USP3: variants seen among roughly 807,000 people sequenced by gnomAD.
USP3 encodes the protein ubiquitin specific peptidase 3, also known as ubiquitin carboxyl-terminal hydrolase 3.
In USP3, 20 loss-of-function variants were observed where a neutral mutation model predicts 72.3. That is an observed-to-expected ratio of 0.28 (90% confidence interval 0.19 to 0.40). The LOEUF (loss-of-function observed/expected upper bound fraction) is 0.40. USP3 is among the 10% of genes least tolerant of loss of function. USP3 has a pLI of 1.00. For synonymous variants in USP3, 222 were observed against 225.3 expected, an observed-to-expected ratio of 0.99 and a Z score of 0.13; for missense variants, 479 against 633.9, an observed-to-expected ratio of 0.76 and a Z score of 2.62.
At chr15:63,559,757 GA>G (rs1436346856) in intron 6 of USP3, 99 bp from the exon 7 acceptor site, 3 of 968,432 alleles carry the variant, frequency 3.1e-6, no homozygotes, top group Non-Finnish European at 4.5e-6. Flanking sequence ...TGAGACAATT[GA>G]AAAATGGCAG....
At chr15:63,581,574 G>T (rs6494416) in intron 11 of USP3, among the ~76,000 whole-genome samples, 125,835 of 130,340 alleles carry the variant, frequency 0.97, 60,676 homozygotes, top group East Asian at 0.99. Flanking sequence ...TTTTTTTTTG[G>T]ATTTTTGGTA....
At chr15:63,578,904 C>T (rs1005998948) in intron 11 of USP3, among the ~76,000 whole-genome samples, 4 of 152,032 alleles carry the variant, frequency 2.6e-5, no homozygotes, top group African/African-American at 7.2e-5. Context: ...TGGAAAATTA[C>T]GAGAAATATT....
Position 63,529,290 on chromosome 15 carries a change from C to T in USP3, c.92-3357C>T, listed in dbSNP as rs2066032775. 1 of 369,740 alleles carries T rather than the reference C, an allele frequency of 2.7e-6. No homozygotes were observed. 22.9% of individuals were successfully genotyped at this position (369,740 alleles called of 1,614,324 possible). A position where few individuals can be genotyped will look rare whatever the true frequency, so the allele number is the denominator to read the frequency against. On this transcript the variant is annotated intron_variant, in intron 1 of 14. Coordinates refer to ENST00000380324, the MANE Select transcript of USP3 (RefSeq NM_006537.4). The surrounding 1 kb of genome is among the most constrained non-coding windows in gnomAD (Gnocchi z 4.2). Reference sequence around the variant, plus strand: ...ATTCCCTTTTACTTTCTCTCCTTATCATTACGTATCTGTCTGTCTAATTGA... The same window carrying T: ...ATTCCCTTTTACTTTCTCTCCTTATTATTACGTATCTGTCTGTCTAATTGA...
chr15:63,568,079 G>A (rs118061906), intron 8 of USP3, among the ~76,000 whole-genome samples: 1 of 152,280 alleles, frequency 6.6e-6, no homozygotes, highest in East Asian at 1.9e-4. Flanking sequence ...AGTTGGCTGG[G>A]TATGGTGGCT....
At chr15:63,521,142 A>C (rs114321782) in intron 1 of USP3, among the ~76,000 whole-genome samples, 28,359 of 112,442 alleles carry the variant, frequency 0.25, 3,341 homozygotes, top group Non-Finnish European at 0.34. Context: ...ATTCTTTTGG[A>C]CTTTTTTTTT....
intron 4 of USP3, among the ~76,000 whole-genome samples, chr15:63,555,226 A>T (rs915741502): frequency 6.6e-6 from 1 of 152,066 alleles, no homozygotes; most frequent in African/African-American, 2.4e-5. Context: ...ATGTTGAAAA[A>T]CATTACCTAG....
At chr15:63,578,344 C>T (rs1352627336) in intron 11 of USP3, among the ~76,000 whole-genome samples, 1 of 150,380 alleles carries the variant, frequency 6.6e-6, no homozygotes, top group African/African-American at 2.5e-5. Context: ...GTGGCTGAAG[C>T]CTGTAATCCC....
intron 1 of USP3, among the ~76,000 whole-genome samples, chr15:63,515,909 C>G: frequency 6.6e-6 from 1 of 152,188 alleles, no homozygotes; most frequent in East Asian, 1.9e-4. Flanking sequence ...CATTCTCTCT[C>G]ATATTTACCT....
chr15:63,521,379 G>T (rs1004832760), intron 1 of USP3, among the ~76,000 whole-genome samples: 7 of 151,786 alleles, frequency 4.6e-5, no homozygotes, highest in African/African-American at 1.7e-4. Flanking sequence ...GTATCTTCAG[G>T]GAAGAACACA....
chr15:63,562,280 T>C lies in USP3; in HGVS notation c.648-615T>C, dbSNP rs1028403016. Among the ~76,000 whole-genome samples the C allele has an allele frequency of 3.3e-5, 5 of 152,094 alleles. No individual in the cohort carries two copies. The South Asian group carries it at 1.0e-3, about 32-fold the overall frequency. On this transcript the variant is annotated intron_variant, in intron 7 of 14. Transcript: ENST00000380324. ...TTCATATGCGAGAAGAGTGTGGATA[T>C]TGGGTGATAGGAGAGGTGTACAGAG...
rs769098072 is a variant in USP3 at position 63,559,900 on chromosome 15, G to A, written c.577G>A (p.Val193Met). The A allele has an allele frequency of 1.9e-5, 31 of 1,613,796 alleles. No homozygotes were observed. The highest frequency in any genetic ancestry group is 2.7e-5 in the African/African-American group (2 of 74,864). The change falls in exon 7 of 15, where the codon GTG (valine) becomes ATG (methionine). Residue 193 changes from valine to methionine, a missense_variant. Physicochemically the swap from Val to Met is conservative, Grantham distance 21. Transcript: ENST00000380324. Reference sequence around the variant, plus strand: ...CTGTTATTTCAAAGAACTGCCCGCCGTGGAGTTAAGGAATGGGAAAACAGC... The same window carrying A: ...CTGTTATTTCAAAGAACTGCCCGCCATGGAGTTAAGGAATGGGAAAACAGC... ...FCCYFKELPA[V>M]ELRNGKTAGR...
At chr15:63,556,547 G>A (rs1037557432) in intron 4 of USP3, 120 bp from the exon 5 acceptor site, 3 of 641,076 alleles carry the variant, frequency 4.7e-6, no homozygotes, top group African/African-American at 1.9e-5. Context: ...TAGGCCTGAC[G>A]AAGCAGTCAG....
At chr15:63,576,978 C>T (rs1595765918) in intron 11 of USP3, among the ~76,000 whole-genome samples, 1 of 152,072 alleles carries the variant, frequency 6.6e-6, no homozygotes, top group African/African-American at 2.4e-5. Flanking sequence ...TTTGAGTCCA[C>T]CTGGCAAGAA....
chr15:63,565,536 T>C (rs542369911), intron 8 of USP3, among the ~76,000 whole-genome samples: 1 of 152,344 alleles, frequency 6.6e-6, no homozygotes, highest in South Asian at 2.1e-4. Context: ...AATGTTTTAT[T>C]CTGTTCCCTA....
chr15:63,564,715 C>G (rs1339224646), intron 8 of USP3, among the ~76,000 whole-genome samples: 1 of 152,178 alleles, frequency 6.6e-6, no homozygotes, highest in Non-Finnish European at 1.5e-5. Flanking sequence ...GGGAAGATTT[C>G]AGATCATACA....
rs180848910 is a variant in USP3, at chr15:63,532,753, A to T, written c.152+46A>T. ...TTCACTGACCTATTTGCTTTTTAAA[A>T]TTTGTCTTTAAGCTTTATGTCAGAG... is the stretch of plus-strand genomic sequence containing the variant. On this transcript the variant is annotated intron_variant, in intron 2 of 14. Coordinates refer to ENST00000380324, the MANE Select transcript of USP3 (RefSeq NM_006537.4). 365 of 1,598,098 alleles carry T rather than the reference A, an allele frequency of 2.3e-4. 1 individual carries two copies. The African/African-American group carries it at 4.4e-3, about 19-fold the overall frequency.
At chr15:63,548,526 C>A (rs1015981721) in intron 3 of USP3, among the ~76,000 whole-genome samples, 3 of 152,082 alleles carry the variant, frequency 2.0e-5, no homozygotes, top group African/African-American at 7.2e-5. Flanking sequence ...CAGGGTTTCA[C>A]CATGTTGGTC....
intron 14 of USP3, 43 bp from the exon 15 acceptor site, chr15:63,590,618 G>A: frequency 6.8e-7 from 1 of 1,476,078 alleles, no homozygotes; most frequent in South Asian, 1.5e-5. Context: ...GTCTTTTTGT[G>A]ATTTCTGAGG....
At chr15:63,562,660 G>A (rs375354946) in intron 7 of USP3, among the ~76,000 whole-genome samples, 42 of 152,368 alleles carry the variant, frequency 2.8e-4, no homozygotes, top group African/African-American at 1.0e-3. Context: ...AAACATGGCG[G>A]TGCATGGGCA....
Sources: gnomAD v4.1 joint callset for allele counts (sites outside exome capture counted in the v4.1 genomes callset) on GRCh38, gnomAD v4.1.1 for gene constraint, Gnocchi (gnomAD v3.1) non-coding constraint, MANE v1.5 for transcripts, NCBI Gene and HGNC (gene_info 2026-07-23, HGNC 2026-07-21) for gene names.